The following STRBP variants were observed in gnomAD, a reference collection of about 807,000 sequenced individuals.
The protein encoded by STRBP is spermatid perinuclear RNA binding protein.
In STRBP, 13 loss-of-function variants were observed where a neutral mutation model predicts 80.1. The ratio of observed to expected loss-of-function variants is 0.16; its 90% CI spans 0.11 to 0.26. The LOEUF (loss-of-function observed/expected upper bound fraction) is 0.26. Ranked by LOEUF, STRBP falls within the 10% of genes least tolerant of loss-of-function variation. The pLI is 1.00. For missense variants in STRBP, 485 were observed against 815.2 expected, an observed-to-expected ratio of 0.59 and a Z score of 4.93; for synonymous variants, 284 against 291.2, an observed-to-expected ratio of 0.98 and a Z score of 0.25.
intron 1 of STRBP, among the ~76,000 whole-genome samples, chr9:123,265,659 G>A (rs2041250989): frequency 6.6e-6 from 1 of 152,154 alleles, no homozygotes; most frequent in South Asian, 2.1e-4. Flanking sequence ...GACTTGCACT[G>A]AAATAAATGT....
chr9:123,244,409 C>T (rs1366275837), intron 1 of STRBP, among the ~76,000 whole-genome samples: 1 of 152,070 alleles, frequency 6.6e-6, no homozygotes, highest in African/African-American at 2.4e-5. Flanking sequence ...TTGTCAAAAC[C>T]CACAGACCTG....
chr9:123,201,535 T>G (rs1306133913), intron 2 of STRBP, among the ~76,000 whole-genome samples: 1 of 152,238 alleles, frequency 6.6e-6, no homozygotes, highest in Non-Finnish European at 1.5e-5. Context: ...CCTTTTTGAC[T>G]AGTACTTCCA....
In STRBP at chr9:123,136,666, A is replaced by G. The variant is rs987388004; in HGVS notation, c.1498-151T>C. ...TGAGTCACCTCTTTACACAAATGGCAAAATATCATTAAAGCTGTAAAAACT... is the reference window on the plus strand; with the variant it reads ...TGAGTCACCTCTTTACACAAATGGCGAAATATCATTAAAGCTGTAAAAACT... On this transcript the variant is annotated intron_variant, in intron 14 of 18. Transcript: ENST00000348403. This position sits in a 1 kb window ranked among gnomAD's most constrained non-coding sequence, Gnocchi z 4.2. 2 of 877,660 alleles carry G rather than the reference A, an allele frequency of 2.3e-6. No homozygotes were observed. The highest frequency in any genetic ancestry group is 7.1e-4 in the Middle Eastern group (2 of 2,812). 54.4% of individuals were successfully genotyped at this position (877,660 alleles called of 1,614,324 possible). A position where few individuals can be genotyped will look rare whatever the true frequency, so the allele number is the denominator to read the frequency against.
downstream of STRBP, among the ~76,000 whole-genome samples, chr9:123,117,391 C>G (rs542903276): frequency 1.4e-3 from 216 of 152,312 alleles, no homozygotes; most frequent in Middle Eastern, 0.014. Context: ...AGCTGTCATT[C>G]ATTAGCCCAG....
chr9:123,248,348 ACCTCTGCC>A (rs1366925295), intron 1 of STRBP, among the ~76,000 whole-genome samples: 2 of 148,666 alleles, frequency 1.3e-5, no homozygotes, highest in African/African-American at 5.0e-5. Flanking sequence ...GCTCACTGCA[ACCTCTGCC>A]TCCTGGGTTC....
intron 1 of STRBP, among the ~76,000 whole-genome samples, chr9:123,266,687 A>G (rs1422511622): frequency 6.6e-6 from 1 of 151,800 alleles, no homozygotes; most frequent in Non-Finnish European, 1.5e-5. Flanking sequence ...CCTGCCCTAA[A>G]CCTGGGCATC....
intron 3 of STRBP, among the ~76,000 whole-genome samples, chr9:123,183,431 C>T (rs566966704): frequency 3.0e-4 from 45 of 150,778 alleles, no homozygotes; most frequent in Non-Finnish European, 6.0e-4. Flanking sequence ...GGTGAGACTC[C>T]GTCTTTAAAA....
chr9:123,136,955 C>T lies in STRBP; in HGVS notation c.1498-440G>A, dbSNP rs554652901. ...ATGTTAGAGGGTAAATGTTCCCATA[C>T]ACCTCTCAGTCACTCTAAACAGATT... On this transcript the variant is annotated intron_variant, in intron 14 of 18. Coordinates refer to ENST00000348403, the MANE Select transcript of STRBP (RefSeq NM_018387.5). The surrounding 1 kb of genome is among the most constrained non-coding windows in gnomAD (Gnocchi z 4.2). 1.3e-5 allele frequency among the ~76,000 whole-genome samples: 2 copies of T among 152,312 alleles called. No individual in the cohort carries two copies. The highest frequency in any genetic ancestry group is 6.5e-5 in the Admixed American group (1 of 15,306).
chr9:123,237,170 G>A (rs2040586638), intron 1 of STRBP, among the ~76,000 whole-genome samples: 1 of 152,162 alleles, frequency 6.6e-6, no homozygotes, highest in Admixed American at 6.5e-5. Flanking sequence ...AGTTGAATGT[G>A]TGTAATAATA....
chr9:123,175,488 T>C (rs1300230788), intron 4 of STRBP, among the ~76,000 whole-genome samples: 2 of 152,214 alleles, frequency 1.3e-5, no homozygotes, highest in Non-Finnish European at 2.9e-5. Flanking sequence ...GTTCAGTGCC[T>C]GGCACACTTA....
intron 18 of STRBP, among the ~76,000 whole-genome samples, chr9:123,127,776 G>A (rs532654512): frequency 6.6e-6 from 1 of 152,266 alleles, no homozygotes; most frequent in South Asian, 2.1e-4. Context: ...AAGAATGAAG[G>A]CTACAAATTT....
intron 2 of STRBP, among the ~76,000 whole-genome samples, chr9:123,214,742 AC>A (rs2039835969): frequency 6.6e-6 from 1 of 152,170 alleles, no homozygotes. Flanking sequence ...AGACAACTGT[AC>A]CTACCTATAC....
Position 123,124,864 on chromosome 9 carries a change from C to T in STRBP, c.*733G>A. On this transcript the variant is annotated 3_prime_UTR_variant, in exon 19 of 19. Transcript: ENST00000348403. ...CTTTATCATGGGGATGGCCCTTGTA[C>T]AACAGGAGTACAAAGGGCTTACAAA... 1 of 985,466 alleles carries T rather than the reference C, an allele frequency of 1.0e-6. No individual in the cohort carries two copies. Among genetic ancestry groups the T allele is most frequent in the Non-Finnish European group, 1.2e-6 (1 of 829,928 alleles). 61.0% of individuals were successfully genotyped at this position (985,466 alleles called of 1,614,324 possible).
Position 123,125,449 on chromosome 9 carries a change from T to C in STRBP, c.*148A>G. The C allele has an allele frequency of 7.9e-7, 1 of 1,265,976 alleles. No individual in the cohort carries two copies. 78.4% of individuals were successfully genotyped at this position (1,265,976 alleles called of 1,614,324 possible). A position where few individuals can be genotyped will look rare whatever the true frequency, so the allele number is the denominator to read the frequency against. On this transcript the variant is annotated 3_prime_UTR_variant, in exon 19 of 19. Coordinates refer to ENST00000348403, the MANE Select transcript of STRBP (RefSeq NM_018387.5). Reference sequence around the variant, plus strand: ...AAGTTTTAGAGAACTAAATTTGCATTTGTTAAAATCAAAAAGTAGGAAAGA... The same window carrying C: ...AAGTTTTAGAGAACTAAATTTGCATCTGTTAAAATCAAAAAGTAGGAAAGA...
chr9:123,234,762 C>T (rs1376001674), intron 2 of STRBP, among the ~76,000 whole-genome samples: 1 of 151,986 alleles, frequency 6.6e-6, no homozygotes, highest in Non-Finnish European at 1.5e-5. Context: ...GAGTTCAAGA[C>T]CAGCCTGGCC....
intron 3 of STRBP, 82 bp from the exon 4 acceptor site, chr9:123,179,309 C>CA (rs2038355035): frequency 8.6e-7 from 1 of 1,160,824 alleles, no homozygotes; most frequent in Non-Finnish European, 1.2e-6. Context: ...TATCTTTAGC[C>CA]AACCCATAGC....
chr9:123,189,218 C>G (rs1180679728), intron 2 of STRBP, among the ~76,000 whole-genome samples: 1 of 146,344 alleles, frequency 6.8e-6, no homozygotes, highest in Non-Finnish European at 1.5e-5. Flanking sequence ...GACAGAAAAC[C>G]AAACACCGCA....
chr9:123,245,862 A>G (rs1437796741), intron 1 of STRBP, among the ~76,000 whole-genome samples: 1 of 152,204 alleles, frequency 6.6e-6, no homozygotes, highest in Admixed American at 6.5e-5. Context: ...AGCCACAAAA[A>G]TTATCCCACT....
intron 2 of STRBP, among the ~76,000 whole-genome samples, chr9:123,225,314 T>C (rs552122375): frequency 6.6e-6 from 1 of 152,300 alleles, no homozygotes; most frequent in African/African-American, 2.4e-5. Context: ...TTAACAAAAA[T>C]TTTACTTACA....
Sources: allele counts gnomAD v4.1 joint callset (sites outside exome capture counted in the v4.1 genomes callset), GRCh38; gene constraint gnomAD v4.1.1; non-coding constraint Gnocchi (gnomAD v3.1); transcripts MANE v1.5; gene names NCBI Gene and HGNC (gene_info 2026-07-23, HGNC 2026-07-21).